Variants in MSH3 observed in about 807,000 individuals in gnomAD.
MSH3 encodes the protein DNA mismatch repair protein Msh3.
A neutral mutation model predicts 123.3 loss-of-function variants in MSH3; 106 were observed. The observed-to-expected ratio is 0.86, with a 90% CI of 0.73 to 1.01. MSH3 has a LOEUF of 1.01. Among genes scored for constraint, MSH3 ranks in the 50% least tolerant of loss-of-function variants. MSH3 has a pLI of 0.00. For synonymous variants in MSH3, 515 were observed against 481.4 expected, an observed-to-expected ratio of 1.07 and a Z score of -0.91; for missense variants, 1,459 against 1,347.6, an observed-to-expected ratio of 1.08 and a Z score of -1.29.
At chr5:80,769,903 T>C (rs1744188207) in intron 15 of MSH3, among the ~76,000 whole-genome samples, 1 of 152,156 alleles carries the variant, frequency 6.6e-6, no homozygotes, top group Non-Finnish European at 1.5e-5. Flanking sequence ...TCTACATTAA[T>C]TGAGAATGTT....
At chr5:80,665,051 C>A in intron 2 of MSH3, 92 bp from the exon 3 acceptor site, 1 of 901,750 alleles carries the variant, frequency 1.1e-6, no homozygotes. Context: ...TATTGGGAAT[C>A]TACCTCTTTA....
At chr5:80,806,277 T>C (rs1461609328) in intron 19 of MSH3, among the ~76,000 whole-genome samples, 1 of 152,144 alleles carries the variant, frequency 6.6e-6, no homozygotes, top group Non-Finnish European at 1.5e-5. Context: ...TTTGTATTTT[T>C]GGTAGAGACG....
chr5:80,871,450 G>A (rs1277645834), intron 22 of MSH3, among the ~76,000 whole-genome samples: 5 of 152,146 alleles, frequency 3.3e-5, no homozygotes, highest in Non-Finnish European at 7.3e-5. Flanking sequence ...CCTCTAGTTC[G>A]GTTCCTCACA....
chr5:80,793,840 G>A (rs1365248082), intron 19 of MSH3, among the ~76,000 whole-genome samples: 1 of 152,172 alleles, frequency 6.6e-6, no homozygotes, highest in East Asian at 1.9e-4. Flanking sequence ...GTTATGGCAG[G>A]GTGTTTGAGT....
In MSH3 at chr5:80,724,597, T is replaced by G. The variant is rs552616922; in HGVS notation, c.1341-856T>G. ...CATGCTATGATTTTGTTTATGTACT[T>G]AGGCAAATTTTTATACATATTTTTA... On this transcript the variant is annotated intron_variant, in intron 8 of 23. Transcript: ENST00000265081. 9.2e-5 allele frequency among the ~76,000 whole-genome samples: 14 copies of G among 152,292 alleles called. No homozygotes were observed. The East Asian group carries it at 2.7e-3, about 29-fold the overall frequency.
chr5:80,678,532 A>G (rs6151665), intron 7 of MSH3, among the ~76,000 whole-genome samples: 17,543 of 152,222 alleles, frequency 0.12, 1,085 homozygotes, highest in African/African-American at 0.17. Context: ...ACAGTGCTTT[A>G]TAGTTTACAA....
intron 20 of MSH3, among the ~76,000 whole-genome samples, chr5:80,835,161 T>C (rs1745486990): frequency 6.6e-6 from 1 of 152,208 alleles, no homozygotes; most frequent in African/African-American, 2.4e-5. Context: ...TGTAGAGAGC[T>C]TGAGCAAGAA....
At chr5:80,740,756 C>T (rs1277718514) in intron 10 of MSH3, among the ~76,000 whole-genome samples, 1 of 150,752 alleles carries the variant, frequency 6.6e-6, no homozygotes, top group Non-Finnish European at 1.5e-5. Flanking sequence ...ACTCTGTTGC[C>T]CAGGTTGGAG....
Position 80,691,913 on chromosome 5 carries a change from GTA to G in MSH3, c.1340+12824_1340+12825del, listed in dbSNP as rs1226125879. ...TGTATATGTTTATATAGATAAACATGTATATGTTTATATAGATAAACATGTAT... is the reference window on the plus strand; with the variant it reads ...TGTATATGTTTATATAGATAAACATGTATGTTTATATAGATAAACATGTAT... On this transcript the variant is annotated intron_variant, in intron 8 of 23. Transcript: ENST00000265081. Among the ~76,000 whole-genome samples the G allele has an allele frequency of 1.2e-3, 146 of 126,894 alleles. 2 individuals carry two copies. The highest frequency in any genetic ancestry group is 1.4e-3 in the African/African-American group (47 of 33,222). 83.2% of individuals were successfully genotyped at this position (126,894 alleles called of 152,430 possible).
At chr5:80,670,952 T>G (rs188571813) in intron 4 of MSH3, among the ~76,000 whole-genome samples, 2 of 152,142 alleles carry the variant, frequency 1.3e-5, no homozygotes, top group East Asian at 3.9e-4. Flanking sequence ...AAACCGCATC[T>G]CTACTAAAAA....
At chr5:80,658,111 T>A (rs1446663380) in intron 2 of MSH3, among the ~76,000 whole-genome samples, 1 of 141,224 alleles carries the variant, frequency 7.1e-6, no homozygotes, top group Non-Finnish European at 1.5e-5. Context: ...CTCAGCTCAC[T>A]GTAACCTCCT....
At chr5:80,707,841 C>A (rs1750757667) in intron 8 of MSH3, among the ~76,000 whole-genome samples, 1 of 152,190 alleles carries the variant, frequency 6.6e-6, no homozygotes. Flanking sequence ...TTCTTGCTGA[C>A]TCTTGTCAGT....
At chr5:80,669,772 A>T (rs1213107034) in intron 3 of MSH3, among the ~76,000 whole-genome samples, 1 of 152,238 alleles carries the variant, frequency 6.6e-6, no homozygotes, top group Non-Finnish European at 1.5e-5. Context: ...AGAATAAATA[A>T]TAAAAAGAAA....
chr5:80,736,087 A>G (rs1418424015), intron 10 of MSH3, among the ~76,000 whole-genome samples: 1 of 151,994 alleles, frequency 6.6e-6, no homozygotes, highest in Non-Finnish European at 1.5e-5. Context: ...TTAGCTGGGC[A>G]TGATGGCGGG....
chr5:80,742,069 A>G (rs1416417408), intron 11 of MSH3, among the ~76,000 whole-genome samples: 1 of 150,674 alleles, frequency 6.6e-6, no homozygotes, highest in Non-Finnish European at 1.5e-5. Context: ...GAGTGAAGTG[A>G]TGCGATATTG....
At chr5:80,729,913 G>A in intron 10 of MSH3, among the ~76,000 whole-genome samples, 1 of 152,234 alleles carries the variant, frequency 6.6e-6, no homozygotes, top group East Asian at 1.9e-4. Flanking sequence ...GCACAAGTGG[G>A]AGGGGAGATA....
At chr5:80,704,381 G>A (rs535806707) in intron 8 of MSH3, among the ~76,000 whole-genome samples, 1 of 152,358 alleles carries the variant, frequency 6.6e-6, no homozygotes, top group East Asian at 1.9e-4. Flanking sequence ...GAGATGAAGT[G>A]TTTATGGGTT....
At chr5:80,864,629 A>G (rs530808887) in intron 21 of MSH3, among the ~76,000 whole-genome samples, 184 bp from the exon 22 acceptor site, 1 of 152,168 alleles carries the variant, frequency 6.6e-6, no homozygotes, top group Non-Finnish European at 1.5e-5. Context: ...GAGGAAGAAG[A>G]AGGGAAATAT....
chr5:80,820,418 A>T (rs776243489), intron 20 of MSH3, among the ~76,000 whole-genome samples: 7 of 152,330 alleles, frequency 4.6e-5, no homozygotes, highest in Non-Finnish European at 1.0e-4. Context: ...CATTGGTTAC[A>T]GTTTAGGAAA....
Sources: gnomAD v4.1 joint callset for allele counts (sites outside exome capture counted in the v4.1 genomes callset) on GRCh38, gnomAD v4.1.1 for gene constraint, MANE v1.5 for transcripts, NCBI Gene and HGNC (gene_info 2026-07-23, HGNC 2026-07-21) for gene names.